The following AFF3 variants were observed in gnomAD, a reference collection of about 807,000 sequenced individuals.
AFF3 encodes the protein AF4/FMR2 family member 3.
A neutral mutation model predicts 129.7 loss-of-function variants in AFF3; 32 were observed. That is an observed-to-expected ratio of 0.25 (90% CI 0.19 to 0.33). The LOEUF (loss-of-function observed/expected upper bound fraction) is 0.33. Ranked by LOEUF, AFF3 falls within the 10% of genes least tolerant of loss-of-function variation. AFF3 has a pLI of 1.00. For synonymous variants in AFF3, 644 were observed against 635.4 expected (o/e 1.01, Z -0.20); for missense variants, 1,373 against 1,592.0 (o/e 0.86, Z 2.34).
At chr2:99,840,128 C>T (rs964149501) in intron 7 of AFF3, among the ~76,000 whole-genome samples, 3 of 151,606 alleles carry the variant, frequency 2.0e-5, no homozygotes, top group South Asian at 2.1e-4. Flanking sequence ...TGTTTTTTCA[C>T]GCTCTTGGTA....
At chr2:99,788,907 C>T (rs145263231) in intron 8 of AFF3, among the ~76,000 whole-genome samples, 15 of 152,238 alleles carry the variant, frequency 9.9e-5, no homozygotes, top group Admixed American at 5.9e-4. Flanking sequence ...CATTGTGGCA[C>T]GATTGCCTAT....
chr2:99,789,404 C>T (rs2105432958), intron 8 of AFF3, among the ~76,000 whole-genome samples: 1 of 145,942 alleles, frequency 6.9e-6, no homozygotes, highest in African/African-American at 2.6e-5. Flanking sequence ...GCTAACTATG[C>T]CACTGCACTT....
chr2:99,935,317 G>A (rs1043931833), intron 7 of AFF3, among the ~76,000 whole-genome samples: 2 of 151,912 alleles, frequency 1.3e-5, no homozygotes, highest in South Asian at 2.1e-4. Context: ...TGTCACTTTC[G>A]GAAGAACCCC....
chr2:100,074,117 T>C (rs1466020987), intron 4 of AFF3, among the ~76,000 whole-genome samples: 1 of 152,174 alleles, frequency 6.6e-6, no homozygotes, highest in African/African-American at 2.4e-5. Flanking sequence ...TTGGTTTCCT[T>C]GTGTGCATCC....
intron 2 of AFF3, among the ~76,000 whole-genome samples, chr2:100,114,280 TA>T (rs747313710): frequency 3.3e-5 from 5 of 152,178 alleles, no homozygotes; most frequent in Non-Finnish European, 5.9e-5. Flanking sequence ...CATCAATTAT[TA>T]AGAATTCAAA....
At chr2:99,583,136 A>G in intron 16 of AFF3, 137 bp from the exon 17 acceptor site, 1 of 685,306 alleles carries the variant, frequency 1.5e-6, no homozygotes, top group Non-Finnish European at 2.5e-6. Context: ...CCAGGAAACA[A>G]GTTAATGGCA....
At chr2:99,957,323 T>C (rs1676761242) in intron 7 of AFF3, among the ~76,000 whole-genome samples, 1 of 152,228 alleles carries the variant, frequency 6.6e-6, no homozygotes, top group Non-Finnish European at 1.5e-5. Flanking sequence ...GGAAAGGAAG[T>C]AATGCTTAAC....
rs1684515377 is a variant in AFF3 at position 99,644,471 on chromosome 2, C to T, written c.1184+5155G>A. ...AAAACCCAAGTTACTGCAAATGATGCTTGAGGTTTCACAGAAAATATTAAT... is the reference window on the plus strand; with the variant it reads ...AAAACCCAAGTTACTGCAAATGATGTTTGAGGTTTCACAGAAAATATTAAT... On this transcript the variant is annotated intron_variant, in intron 13 of 24. Transcript: ENST00000672756. Among the ~76,000 whole-genome samples, 3 of 152,112 alleles carry T rather than the reference C, an allele frequency of 2.0e-5. No homozygotes were observed. The South Asian group carries it at 6.2e-4, about 32-fold the overall frequency.
chr2:99,810,080 T>C (rs1016036314), intron 8 of AFF3, among the ~76,000 whole-genome samples: 18 of 152,200 alleles, frequency 1.2e-4, no homozygotes, highest in African/African-American at 3.4e-4. Flanking sequence ...ATCAACATCA[T>C]GCACTCAGGA....
intron 18 of AFF3, among the ~76,000 whole-genome samples, chr2:99,572,297 C>CA (rs955642139): frequency 1.7e-5 from 2 of 119,646 alleles, no homozygotes; most frequent in East Asian, 2.8e-4. Flanking sequence ...CCCACCACCC[C>CA]CCCCCCCCCA....
At chr2:99,975,505 T>C (rs1234005809) in intron 7 of AFF3, among the ~76,000 whole-genome samples, 7 of 152,182 alleles carry the variant, frequency 4.6e-5, no homozygotes, top group African/African-American at 1.7e-4. Flanking sequence ...TGACAAGTCA[T>C]TTCCTATGAC....
At chr2:99,807,040 A>AC (rs1281452103) in intron 8 of AFF3, among the ~76,000 whole-genome samples, 1 of 151,962 alleles carries the variant, frequency 6.6e-6, no homozygotes, top group South Asian at 2.1e-4. Context: ...TCTCAGCCTA[A>AC]CCCCCCACAT....
At position 99,547,845 on chromosome 2, in the gene AFF3, T is replaced by C. The variant is rs1301540035; in HGVS notation, c.*3629A>G. On this transcript the variant is annotated 3_prime_UTR_variant, in exon 25 of 25. Coordinates refer to ENST00000672756, the MANE Select transcript of AFF3 (RefSeq NM_001386135.1). ...ACATCACTGTTATATAATACACACATCATTGTTGTACATATGAGGATAAGT... is the reference window on the plus strand; with the variant it reads ...ACATCACTGTTATATAATACACACACCATTGTTGTACATATGAGGATAAGT... 2 of 212,392 alleles carry C rather than the reference T, an allele frequency of 9.4e-6. No individual in the cohort carries two copies. The highest frequency in any genetic ancestry group is 5.9e-5 in the Admixed American group (1 of 17,044). 13.2% of individuals were successfully genotyped at this position (212,392 alleles called of 1,614,324 possible).
intron 13 of AFF3, among the ~76,000 whole-genome samples, chr2:99,624,565 G>A (rs1682361976): frequency 6.6e-6 from 1 of 152,140 alleles, no homozygotes; most frequent in African/African-American, 2.4e-5. Flanking sequence ...ATTAATAAGA[G>A]CCTCGCAGTC....
rs1467508906 is a variant in AFF3 at position 100,056,061 on chromosome 2, TCTCACACACACACACACACACACA to T, written c.54-47153_54-47130del. ...ACAAAAAAAAAAATCGCTGTCTCTC[TCTCACACACACACACACACACACA>T]CACACACACACACACACACACTGGT... On this transcript the variant is annotated intron_variant, in intron 4 of 24. Transcript: ENST00000672756. Among the ~76,000 whole-genome samples the T allele has an allele frequency of 1.2e-4, 16 of 133,534 alleles. No individual in the cohort carries two copies. The South Asian group carries it at 3.6e-3, about 30-fold the overall frequency. 87.6% of individuals were successfully genotyped at this position (133,534 alleles called of 152,430 possible). A position where few individuals can be genotyped will look rare whatever the true frequency, so the allele number is the denominator to read the frequency against.
intron 3 of AFF3, chr2:100,104,825 G>GCCGCCGCCGCCGCCGCCGCCGCCGCC (rs1559128123): frequency 2.2e-6 from 1 of 453,608 alleles, no homozygotes; most frequent in Non-Finnish European, 2.7e-6. Context: ...CCGCCGCCGC[G>GCCGCCGCCGCCGCCGCCGCCGCCGCC]GTGCTCTGCG....
intron 1 of AFF3, among the ~76,000 whole-genome samples, chr2:100,136,689 C>G (rs1285947971): frequency 6.6e-6 from 1 of 152,056 alleles, no homozygotes; most frequent in Non-Finnish European, 1.5e-5. Flanking sequence ...TTTTTCTCAT[C>G]TTTTTTTCAA....
intron 4 of AFF3, among the ~76,000 whole-genome samples, chr2:100,074,128 G>A (rs529398409): frequency 9.2e-5 from 14 of 152,254 alleles, no homozygotes; most frequent in African/African-American, 2.4e-4. Flanking sequence ...GTGTGCATCC[G>A]TCAGGTGTCT....
chr2:99,975,545 A>G (rs932650021), intron 7 of AFF3, among the ~76,000 whole-genome samples: 3 of 152,240 alleles, frequency 2.0e-5, no homozygotes, highest in African/African-American at 7.2e-5. Context: ...AGTAAAATGA[A>G]GAAAATTGTT....
Sources: gnomAD v4.1 joint callset for allele counts (sites outside exome capture counted in the v4.1 genomes callset) on GRCh38, gnomAD v4.1.1 for gene constraint, MANE v1.5 for transcripts, NCBI Gene and HGNC (gene_info 2026-07-23, HGNC 2026-07-21) for gene names.